Variants in FAM185A observed in about 807,000 individuals in gnomAD.
The protein encoded by FAM185A is protein FAM185A.
Under a neutral mutation model 45.7 loss-of-function variants are expected in FAM185A, and 21 were observed. The ratio of observed to expected loss-of-function variants is 0.46; its 90% confidence interval spans 0.33 to 0.66. The LOEUF (loss-of-function observed/expected upper bound fraction) is 0.66. Among genes scored for constraint, FAM185A ranks in the 30% least tolerant of loss-of-function variants. The probability of loss-of-function intolerance (pLI) is 0.03; values close to 1 mark genes in which losing one functional copy is unlikely to be tolerated. For missense variants in FAM185A, 305 were observed against 485.4 expected (o/e 0.63, Z 3.49); for synonymous variants, 117 against 194.0 (o/e 0.60, Z 3.30).
chr7:102,839,391 C>T, the FAM185A span, among the ~76,000 whole-genome samples: 1 of 152,184 alleles, frequency 6.6e-6, no homozygotes, highest in African/African-American at 2.4e-5. Context: ...GAGCGCCAGT[C>T]CCCTGGGCCC....
At chr7:102,835,603 G>GTTTTTTT in the FAM185A span, among the ~76,000 whole-genome samples, 40 of 97,506 alleles carry the variant, frequency 4.1e-4, no homozygotes, top group Non-Finnish European at 5.2e-4. Context: ...AGGTGACATT[G>GTTTTTTT]TTTTTTTTTT....
rs760665774 is a variant in FAM185A at position 102,777,238 on chromosome 7, T to C, written c.836-15T>C. The C allele has an allele frequency of 6.5e-7, 1 of 1,549,110 alleles. No individual in the cohort carries two copies. Among genetic ancestry groups the C allele is most frequent in the Non-Finnish European group, 8.7e-7 (1 of 1,145,770 alleles). ...AGTAAGAATTATTTTACTTATGGTT[T>C]TTTCTTCTTCCTAGATTCGTCTTCT... On this transcript the variant is annotated splice_polypyrimidine_tract_variant and intron_variant, in intron 5 of 7. Transcript: ENST00000413034.
At chr7:102,761,995 A>C (rs1183297194) in intron 4 of FAM185A, among the ~76,000 whole-genome samples, 1 of 152,178 alleles carries the variant, frequency 6.6e-6, no homozygotes, top group African/African-American at 2.4e-5. Context: ...AACAAATAGC[A>C]AGGAAATACA....
At chr7:102,828,280 C>A in the FAM185A span, among the ~76,000 whole-genome samples, 1 of 151,976 alleles carries the variant, frequency 6.6e-6, no homozygotes, top group Non-Finnish European at 1.5e-5. Context: ...TTGTAGTTCT[C>A]CTTGAAGAGG....
downstream of FAM185A, among the ~76,000 whole-genome samples, chr7:102,810,436 T>C (rs747319798): frequency 2.8e-4 from 43 of 152,192 alleles, no homozygotes; most frequent in Non-Finnish European, 2.1e-4. Flanking sequence ...TTCACCATGT[T>C]GGCCAGGCTG....
the FAM185A span, among the ~76,000 whole-genome samples, chr7:102,830,979 C>T: frequency 2.0e-5 from 3 of 152,094 alleles, no homozygotes; most frequent in Non-Finnish European, 2.9e-5. Context: ...AAAAACTAAT[C>T]GGAAGGTCAG....
downstream of FAM185A, among the ~76,000 whole-genome samples, chr7:102,810,237 T>C (rs2129444271): frequency 6.6e-6 from 1 of 152,328 alleles, no homozygotes; most frequent in South Asian, 2.1e-4. Context: ...CAGTTCTTTT[T>C]TTGTTTGTTT....
At chr7:102,775,656 G>C (rs1188289088) in intron 5 of FAM185A, among the ~76,000 whole-genome samples, 1 of 152,126 alleles carries the variant, frequency 6.6e-6, no homozygotes, top group Non-Finnish European at 1.5e-5. Context: ...TAAAAATTGT[G>C]TGTGTTTTTT....
At chr7:102,829,857 T>A in the FAM185A span, among the ~76,000 whole-genome samples, 1 of 152,080 alleles carries the variant, frequency 6.6e-6, no homozygotes, top group Non-Finnish European at 1.5e-5. Flanking sequence ...TCAACATAAG[T>A]GGAATATGTT....
At chr7:102,754,460 C>T (rs867374586) in intron 2 of FAM185A, among the ~76,000 whole-genome samples, 1 of 152,276 alleles carries the variant, frequency 6.6e-6, no homozygotes, top group Non-Finnish European at 1.5e-5. Flanking sequence ...GGATTACAGG[C>T]ATGAGCCACC....
At chr7:102,795,636 G>C (rs1165873199) in intron 7 of FAM185A, among the ~76,000 whole-genome samples, 1 of 152,140 alleles carries the variant, frequency 6.6e-6, no homozygotes, top group East Asian at 1.9e-4. Flanking sequence ...AGGGTTCACA[G>C]GACAAAGTAC....
intron 7 of FAM185A, among the ~76,000 whole-genome samples, chr7:102,788,077 G>A (rs1171005359): frequency 6.6e-6 from 1 of 152,060 alleles, no homozygotes; most frequent in Non-Finnish European, 1.5e-5. Flanking sequence ...CGATTCTGTT[G>A]CCTCACCCTC....
intron 5 of FAM185A, among the ~76,000 whole-genome samples, chr7:102,776,525 C>T (rs1311805395): frequency 3.3e-5 from 5 of 151,880 alleles, no homozygotes; most frequent in African/African-American, 4.8e-5. Flanking sequence ...ATTCCAGAAA[C>T]TTGAAAAGAA....
At chr7:102,801,458 G>A (rs930411168) in intron 7 of FAM185A, among the ~76,000 whole-genome samples, 20 of 152,126 alleles carry the variant, frequency 1.3e-4, no homozygotes, top group African/African-American at 4.8e-4. Context: ...GAATGGATAA[G>A]AATTCACCAA....
the FAM185A span, among the ~76,000 whole-genome samples, chr7:102,847,105 G>T: frequency 6.6e-6 from 1 of 152,074 alleles, no homozygotes; most frequent in Non-Finnish European, 1.5e-5. Flanking sequence ...TATTGTCTAT[G>T]GCTGTTTCTA....
the FAM185A span, among the ~76,000 whole-genome samples, chr7:102,832,015 C>G: frequency 6.6e-6 from 1 of 152,054 alleles, no homozygotes; most frequent in Non-Finnish European, 1.5e-5. Context: ...TTTTAAAAAA[C>G]AAGGCAAAAC....
chr7:102,780,597 A>T (rs1005657421), intron 6 of FAM185A, among the ~76,000 whole-genome samples: 4 of 152,198 alleles, frequency 2.6e-5, no homozygotes, highest in African/African-American at 7.2e-5. Context: ...TAGTTGTGTT[A>T]TAATAATGAG....
At chr7:102,785,730 G>C (rs1255816967) in intron 6 of FAM185A, among the ~76,000 whole-genome samples, 2 of 152,046 alleles carry the variant, frequency 1.3e-5, no homozygotes, top group African/African-American at 2.4e-5. Context: ...AAAATCCCTA[G>C]AAGAAGACCT....
At position 102,807,710 on chromosome 7, in the gene FAM185A, G is replaced by A. The variant is rs184639925; in HGVS notation, c.1067-580G>A. 8.8e-4 allele frequency among the ~76,000 whole-genome samples: 132 copies of A among 150,246 alleles called. 1 individual carries two copies. Among genetic ancestry groups the A allele is most frequent in the African/African-American group, 3.2e-3 (130 of 40,764 alleles). On this transcript the variant is annotated intron_variant, in intron 7 of 7. Transcript: ENST00000413034. ...GGGTGGATCACGAGGTAAGGAGTTC[G>A]AGACCTGCCTGACCAACATGGTGAA...
Sources: gnomAD v4.1 joint callset for allele counts (sites outside exome capture counted in the v4.1 genomes callset) on GRCh38, gnomAD v4.1.1 for gene constraint, MANE v1.5 for transcripts, NCBI Gene and HGNC (gene_info 2026-07-23, HGNC 2026-07-21) for gene names.